UNC79: variants seen among roughly 807,000 people sequenced by gnomAD.
UNC79 encodes unc-79 subunit of NALCN channel complex, also known as protein unc-79 homolog.
UNC79 carries 37 observed loss-of-function variants against 283.1 expected under a neutral mutation model. That is an observed-to-expected ratio of 0.13 (90% confidence interval 0.10 to 0.17). The LOEUF (loss-of-function observed/expected upper bound fraction) is 0.17. Ranked by LOEUF, UNC79 falls within the 10% of genes least tolerant of loss-of-function variation. UNC79 has a pLI of 1.00. For missense variants in UNC79, 2,272 were observed against 3,211.1 expected, an observed-to-expected ratio of 0.71 and a Z score of 7.07; for synonymous variants, 1,107 against 1,200.2, an observed-to-expected ratio of 0.92 and a Z score of 1.61.
intron 5 of UNC79, among the ~76,000 whole-genome samples, chr14:93,490,780 T>C (rs553822486): frequency 1.3e-5 from 2 of 152,276 alleles, no homozygotes; most frequent in East Asian, 3.9e-4. Context: ...CAGAATTGCT[T>C]TTAAAGGTCT....
At chr14:93,434,334 G>A (rs1177204676) in intron 1 of UNC79, among the ~76,000 whole-genome samples, 2 of 152,186 alleles carry the variant, frequency 1.3e-5, no homozygotes, top group East Asian at 3.8e-4. Context: ...GGAGGTGAAA[G>A]CTTCCTAGCA....
chr14:93,516,104 G>A (rs535025591), intron 7 of UNC79, among the ~76,000 whole-genome samples: 5 of 152,052 alleles, frequency 3.3e-5, no homozygotes, highest in African/African-American at 1.2e-4. Flanking sequence ...TATCTTTTCC[G>A]TATTGAATTA....
intron 1 of UNC79, among the ~76,000 whole-genome samples, chr14:93,387,318 G>A (rs113489514): frequency 6.6e-6 from 1 of 151,772 alleles, no homozygotes; most frequent in Non-Finnish European, 1.5e-5. Flanking sequence ...AGTTCTTTAA[G>A]GTGTATCATT....
chr14:93,397,024 G>C (rs2055012571), intron 1 of UNC79: 1 of 152,092 alleles, frequency 6.6e-6, no homozygotes, highest in African/African-American at 2.4e-5. Flanking sequence ...AAAAAGCCTA[G>C]GACATCTTGT....
intron 46 of UNC79, among the ~76,000 whole-genome samples, chr14:93,693,592 T>C (rs1043627098): frequency 5.3e-5 from 8 of 152,254 alleles, no homozygotes; most frequent in African/African-American, 1.9e-4. Context: ...TCACCTCTAC[T>C]GTCTTTGAAC....
intron 27 of UNC79, 70 bp downstream of exon 28, chr14:93,613,153 T>C (rs559886299): frequency 1.2e-4 from 197 of 1,578,790 alleles, no homozygotes; most frequent in Admixed American, 8.3e-4. Context: ...TTACATACCA[T>C]GTAGCCAACG....
chr14:93,646,445 AGACT>A (rs1308098833), intron 34 of UNC79, among the ~76,000 whole-genome samples, 159 bp from the exon 38 acceptor site: 1 of 152,158 alleles, frequency 6.6e-6, no homozygotes, highest in Non-Finnish European at 1.5e-5. Flanking sequence ...TTAACTCTAG[AGACT>A]GACCACTGAG....
intron 32 of UNC79, among the ~76,000 whole-genome samples, chr14:93,640,531 G>A (rs2068927862): frequency 6.6e-6 from 1 of 152,196 alleles, no homozygotes; most frequent in Non-Finnish European, 1.5e-5. Flanking sequence ...GTGTGGCTGA[G>A]GTGGGAGGAT....
chr14:93,669,435 A>G (rs2072592981), intron 40 of UNC79, among the ~76,000 whole-genome samples: 1 of 152,096 alleles, frequency 6.6e-6, no homozygotes, highest in Non-Finnish European at 1.5e-5. Flanking sequence ...TGGAAGCCCC[A>G]TGAGGCTAGA....
At chr14:93,566,166 G>A (rs186403008) in intron 14 of UNC79, among the ~76,000 whole-genome samples, 2 of 152,256 alleles carry the variant, frequency 1.3e-5, no homozygotes, top group East Asian at 1.9e-4. Context: ...CAAGCCTCCC[G>A]CTTGGGAGAG....
chr14:93,620,709 G>C (rs1435328060), intron 29 of UNC79, among the ~76,000 whole-genome samples, 183 bp from the exon 31 acceptor site: 1 of 152,208 alleles, frequency 6.6e-6, no homozygotes, highest in Non-Finnish European at 1.5e-5. Context: ...GTAACAGCTT[G>C]CTCTGTCCAA....
chr14:93,334,816 C>T (rs1037114448), intron 1 of UNC79: 2 of 152,096 alleles, frequency 1.3e-5, no homozygotes, highest in Admixed American at 1.3e-4. Flanking sequence ...TGTGGTGGGT[C>T]CTGGAACCAA....
At chr14:93,549,454 A>G (rs1412314685) in intron 14 of UNC79, among the ~76,000 whole-genome samples, 1 of 152,212 alleles carries the variant, frequency 6.6e-6, no homozygotes, top group Non-Finnish European at 1.5e-5. Flanking sequence ...AACCAACAAT[A>G]TTATACTTGT....
chr14:93,584,989 G>T (rs1237226317), intron 20 of UNC79, among the ~76,000 whole-genome samples: 1 of 151,992 alleles, frequency 6.6e-6, no homozygotes, highest in African/African-American at 2.4e-5. Context: ...GAGCCACTGC[G>T]CCTGGCCAGC....
chr14:93,698,838 G>A (rs368004190), intron 47 of UNC79, among the ~76,000 whole-genome samples: 7 of 152,206 alleles, frequency 4.6e-5, no homozygotes, highest in East Asian at 3.9e-4. Context: ...GTGGTGCATG[G>A]CATAATGTAA....
At chr14:93,374,787 TC>T (rs1466982737) in intron 1 of UNC79, among the ~76,000 whole-genome samples, 1 of 152,196 alleles carries the variant, frequency 6.6e-6, no homozygotes, top group African/African-American at 2.4e-5. Context: ...GTTCAAGTGA[TC>T]CTTCTGCCTT....
At chr14:93,619,113 A>G (rs559546428) in intron 29 of UNC79, among the ~76,000 whole-genome samples, 19 of 152,334 alleles carry the variant, frequency 1.2e-4, no homozygotes, top group African/African-American at 3.8e-4. Context: ...TGCTCTGGAG[A>G]TACCTCAAAA....
At chr14:93,607,119 C>G (rs965330169) in intron 26 of UNC79, among the ~76,000 whole-genome samples, 1 of 152,138 alleles carries the variant, frequency 6.6e-6, no homozygotes, top group Non-Finnish European at 1.5e-5. Context: ...GTAAGGAGTA[C>G]TTTCACTGGT....
chr14:93,566,420 A>C (rs952965995), intron 14 of UNC79, among the ~76,000 whole-genome samples: 4 of 152,128 alleles, frequency 2.6e-5, no homozygotes, highest in Admixed American at 1.3e-4. Flanking sequence ...GGGAATTGAC[A>C]TCAGGGGTAA....
Sources: allele counts gnomAD v4.1 joint callset (sites outside exome capture counted in the v4.1 genomes callset), GRCh38; gene constraint gnomAD v4.1.1; transcripts MANE v1.5; gene names NCBI Gene and HGNC (gene_info 2026-07-23, HGNC 2026-07-21).